The following RALGAPA2 variants were observed in gnomAD, a reference collection of about 807,000 sequenced individuals.
RALGAPA2 encodes the protein Ral GTPase activating protein catalytic subunit alpha 2, also known as ral GTPase-activating protein subunit alpha-2.
A neutral mutation model predicts 230.4 loss-of-function variants in RALGAPA2; 139 were observed. The observed-to-expected ratio is 0.60, with a 90% CI of 0.53 to 0.69. The LOEUF is 0.69. RALGAPA2 is among the 30% of genes least tolerant of loss of function. The pLI is 0.00. For missense variants in RALGAPA2, 2,163 were observed against 2,276.0 expected (o/e 0.95, Z 1.01); for synonymous variants, 847 against 837.8 (o/e 1.01, Z -0.19).
intron 10 of RALGAPA2, among the ~76,000 whole-genome samples, chr20:20,622,104 T>C (rs1383910825): frequency 6.6e-6 from 1 of 152,098 alleles, no homozygotes; most frequent in African/African-American, 2.4e-5. Flanking sequence ...GTATATGAGA[T>C]GGACAGAATG....
Position 20,712,365 on chromosome 20 carries a change from C to T in RALGAPA2, c.106+10G>A. 6.5e-7 allele frequency: 1 copy of T among 1,545,838 alleles called. No homozygotes were observed. The highest frequency in any genetic ancestry group is 8.7e-7 in the Non-Finnish European group (1 of 1,144,466). ...GGCGCCCCGACCCCCGCGCCCGGCG[C>T]GCGCCTCACCCAGCAGCGCCCGCAG... On this transcript the variant is annotated intron_variant, in intron 1 of 39. Coordinates refer to ENST00000202677, the MANE Select transcript of RALGAPA2 (RefSeq NM_020343.4). The surrounding 1 kb of genome is among the most constrained non-coding windows in gnomAD (Gnocchi z 5.5).
chr20:20,640,657 T>C (rs1381262583), intron 6 of RALGAPA2, 44 bp downstream of exon 6: 7 of 1,535,836 alleles, frequency 4.6e-6, no homozygotes, highest in African/African-American at 4.1e-5. Context: ...TCAATGTAAG[T>C]TCAAGAGTAA....
intron 11 of RALGAPA2, among the ~76,000 whole-genome samples, chr20:20,620,015 G>A (rs533268151): frequency 7.9e-5 from 12 of 152,200 alleles, no homozygotes; most frequent in Non-Finnish European, 1.6e-4. Flanking sequence ...ACTGCTGTTT[G>A]GTTAGTCCTT....
intron 3 of RALGAPA2, among the ~76,000 whole-genome samples, chr20:20,669,052 G>A (rs2068049450): frequency 6.6e-6 from 1 of 152,158 alleles, no homozygotes; most frequent in Non-Finnish European, 1.5e-5. Flanking sequence ...TTAGAATAAA[G>A]AATCTGTTTA....
At chr20:20,532,739 T>C (rs1026657653) in intron 26 of RALGAPA2, among the ~76,000 whole-genome samples, 3 of 151,986 alleles carry the variant, frequency 2.0e-5, no homozygotes, top group Non-Finnish European at 4.4e-5. Context: ...GCCCAGGAAG[T>C]CATAGAGAGA....
At chr20:20,565,583 GA>G (rs1301894064) in intron 23 of RALGAPA2, among the ~76,000 whole-genome samples, 1 of 152,122 alleles carries the variant, frequency 6.6e-6, no homozygotes, top group African/African-American at 2.4e-5. Context: ...AGAAAATCAT[GA>G]ACTACTTTGA....
intron 1 of RALGAPA2, among the ~76,000 whole-genome samples, chr20:20,707,435 C>T (rs1313073138): frequency 1.3e-5 from 2 of 151,910 alleles, no homozygotes; most frequent in Non-Finnish European, 2.9e-5. Context: ...GAGAAAAGAA[C>T]AAAATTTCAC....
intron 3 of RALGAPA2, among the ~76,000 whole-genome samples, chr20:20,670,397 C>T (rs943604882): frequency 6.6e-6 from 1 of 152,170 alleles, no homozygotes; most frequent in African/African-American, 2.4e-5. Flanking sequence ...CACCCTTGGG[C>T]AAGTCACCTA....
At chr20:20,649,175 C>T (rs971702406) in intron 4 of RALGAPA2, among the ~76,000 whole-genome samples, 2 of 152,156 alleles carry the variant, frequency 1.3e-5, no homozygotes, top group Non-Finnish European at 2.9e-5. Flanking sequence ...TGATTTCACC[C>T]AGCCTGGCTG....
intron 35 of RALGAPA2, among the ~76,000 whole-genome samples, chr20:20,500,977 T>G (rs1361807196): frequency 6.6e-6 from 1 of 152,234 alleles, no homozygotes; most frequent in Admixed American, 6.5e-5. Flanking sequence ...TTATTCTGAG[T>G]AGCAGGTCTC....
chr20:20,477,779 G>C (rs945409125), intron 36 of RALGAPA2, among the ~76,000 whole-genome samples: 1 of 152,066 alleles, frequency 6.6e-6, no homozygotes, highest in Non-Finnish European at 1.5e-5. Context: ...GTAGAGACGG[G>C]GTTTCACCAT....
At chr20:20,640,392 A>C (rs575400652) in intron 6 of RALGAPA2, among the ~76,000 whole-genome samples, 1 of 152,206 alleles carries the variant, frequency 6.6e-6, no homozygotes, top group African/African-American at 2.4e-5. Flanking sequence ...GGTGGAGTTT[A>C]ATCTCATTAA....
At chr20:20,620,683 T>C (rs1198849897) in intron 10 of RALGAPA2, 53 bp from the exon 11 acceptor site, 1 of 1,444,242 alleles carries the variant, frequency 6.9e-7, no homozygotes, top group Non-Finnish European at 9.3e-7. Flanking sequence ...CAGATCAGTA[T>C]AGGGCAGCAT....
In RALGAPA2 at chr20:20,638,112, A is replaced by T. The variant is rs1425268818; in HGVS notation, c.667-611T>A. Reference sequence around the variant, plus strand: ...ATAATATCCTCCCCCTCAAAAACCCATCAGTGTTTGCATAGTGGGAGCACT... The same window carrying T: ...ATAATATCCTCCCCCTCAAAAACCCTTCAGTGTTTGCATAGTGGGAGCACT... On this transcript the variant is annotated intron_variant, in intron 7 of 39. Coordinates refer to ENST00000202677, the MANE Select transcript of RALGAPA2 (RefSeq NM_020343.4). Among the ~76,000 whole-genome samples the T allele has an allele frequency of 5.9e-5, 9 of 152,316 alleles. No homozygotes were observed. In the East Asian group the frequency reaches 1.7e-3, roughly 29 times the overall value.
chr20:20,568,030 T>C (rs2064500826), intron 23 of RALGAPA2, among the ~76,000 whole-genome samples: 1 of 152,048 alleles, frequency 6.6e-6, no homozygotes. Flanking sequence ...TAAATACTCC[T>C]AAGCACCATC....
At chr20:20,472,600 T>C (rs915244735) in intron 37 of RALGAPA2, 10 of 334,622 alleles carry the variant, frequency 3.0e-5, no homozygotes, top group African/African-American at 2.0e-4. Flanking sequence ...CACAAACGTA[T>C]GTGAGTAAAT....
intron 10 of RALGAPA2, among the ~76,000 whole-genome samples, chr20:20,624,298 G>T (rs148825742): frequency 0.061 from 8,769 of 142,586 alleles, 346 homozygotes; most frequent in East Asian, 0.16. Context: ...CTGCACTCCA[G>T]CCTGTGTGAT....
Position 20,586,366 on chromosome 20 carries a change from A to C in RALGAPA2, c.2440-1411T>G, listed in dbSNP as rs560779391. On this transcript the variant is annotated intron_variant, in intron 18 of 39. Transcript: ENST00000202677. ...GTAGCACTCTCCATGTGGTGCAAGAAACAAATGCAAACATACTGTTGAAAT... is the reference window on the plus strand; with the variant it reads ...GTAGCACTCTCCATGTGGTGCAAGACACAAATGCAAACATACTGTTGAAAT... Among the ~76,000 whole-genome samples, 7 of 152,354 alleles carry C rather than the reference A, an allele frequency of 4.6e-5. No homozygotes were observed. The South Asian group carries it at 1.0e-3, about 23-fold the overall frequency.
intron 1 of RALGAPA2, among the ~76,000 whole-genome samples, chr20:20,683,781 T>C (rs1398416606): frequency 6.6e-6 from 1 of 152,170 alleles, no homozygotes; most frequent in East Asian, 1.9e-4. Flanking sequence ...TTCCCACATC[T>C]CCTGCCTGAA....
Sources: gnomAD v4.1 joint callset for allele counts (sites outside exome capture counted in the v4.1 genomes callset) on GRCh38, gnomAD v4.1.1 for gene constraint, Gnocchi (gnomAD v3.1) non-coding constraint, MANE v1.5 for transcripts, NCBI Gene and HGNC (gene_info 2026-07-23, HGNC 2026-07-21) for gene names.